The following BCL11A variants were observed in gnomAD, a reference collection of about 807,000 sequenced individuals.
BCL11A encodes B cell CLL/lymphoma 11A.
BCL11A carries 2 observed loss-of-function variants against 55.9 expected under a neutral mutation model. The observed-to-expected ratio is 0.04, with a 90% CI of 0.01 to 0.11. The LOEUF (loss-of-function observed/expected upper bound fraction) is 0.11. BCL11A is among the 10% of genes least tolerant of loss of function. The pLI, the probability that BCL11A is intolerant of heterozygous loss-of-function variation, is 1.00. For missense variants in BCL11A, 817 were observed against 1,137.1 expected (o/e 0.72, Z 4.05); for synonymous variants, 465 against 473.4 (o/e 0.98, Z 0.23).
intron 2 of BCL11A, among the ~76,000 whole-genome samples, chr2:60,497,291 A>T (rs1208724483): frequency 6.6e-6 from 1 of 152,324 alleles, no homozygotes; most frequent in Non-Finnish European, 1.5e-5. Context: ...GAGGGGGGAA[A>T]ATCTTTTGTA....
At chr2:60,552,128 A>G (rs1225141353) in intron 1 of BCL11A, among the ~76,000 whole-genome samples, 3 of 144,978 alleles carry the variant, frequency 2.1e-5, no homozygotes, top group Non-Finnish European at 4.5e-5. Context: ...AGAGATTGTG[A>G]GATTTTTGCA....
intron 2 of BCL11A, among the ~76,000 whole-genome samples, chr2:60,539,460 A>G (rs903842896): frequency 1.3e-5 from 2 of 152,238 alleles, no homozygotes; most frequent in African/African-American, 4.8e-5. Flanking sequence ...TAACCCTGCT[A>G]AGAACAGCAA....
chr2:60,499,526 C>G (rs1397805430), intron 2 of BCL11A: 2 of 152,200 alleles, frequency 1.3e-5, no homozygotes, highest in Non-Finnish European at 2.9e-5. Context: ...GGTGAAAAGA[C>G]TCATGTGTAG....
intron 2 of BCL11A, among the ~76,000 whole-genome samples, chr2:60,494,636 C>A (rs1416823898): frequency 6.6e-6 from 1 of 152,194 alleles, no homozygotes; most frequent in African/African-American, 2.4e-5. Flanking sequence ...AATGTTCTTT[C>A]TTCAGCTGGA....
At chr2:60,477,555 C>A (rs1677681265) in intron 2 of BCL11A, among the ~76,000 whole-genome samples, 2 of 151,944 alleles carry the variant, frequency 1.3e-5, no homozygotes, top group Admixed American at 1.3e-4. Flanking sequence ...ACTTATGTAA[C>A]AAACCTGCAC....
intron 2 of BCL11A, among the ~76,000 whole-genome samples, chr2:60,469,524 A>G (rs554580292): frequency 6.6e-6 from 1 of 152,354 alleles, no homozygotes; most frequent in African/African-American, 2.4e-5. Context: ...CTGGGGTCCA[A>G]ATAACTTTGA....
Position 60,546,374 on chromosome 2 carries a change from C to T in BCL11A, c.56-74G>A. The T allele has an allele frequency of 8.4e-7, 1 of 1,194,080 alleles. No individual in the cohort carries two copies. The highest frequency in any genetic ancestry group is 1.2e-6 in the Non-Finnish European group (1 of 832,790). 74.0% of individuals were successfully genotyped at this position (1,194,080 alleles called of 1,614,324 possible). On this transcript the variant is annotated intron_variant, in intron 1 of 3. Transcript: ENST00000642384. The surrounding 1 kb of genome is among the most constrained non-coding windows in gnomAD (Gnocchi z 4.1). ...AGAAAGGGGAGAAGCACATCTCAAC[C>T]CCATGCCATCCCACCACATCATGTA...
intron 2 of BCL11A, chr2:60,545,333 T>C (rs1670098638): frequency 6.5e-6 from 1 of 152,902 alleles, no homozygotes; most frequent in Admixed American, 6.5e-5. Context: ...GCCTGGCCAG[T>C]CGAAAATGGC....
At chr2:60,518,663 A>T (rs2104538310) in intron 2 of BCL11A, among the ~76,000 whole-genome samples, 1 of 152,284 alleles carries the variant, frequency 6.6e-6, no homozygotes, top group East Asian at 1.9e-4. Context: ...CCCAGCAGAG[A>T]ACGTTGAGAA....
At chr2:60,499,031 C>T (rs1467913197) in intron 2 of BCL11A, among the ~76,000 whole-genome samples, 1 of 152,190 alleles carries the variant, frequency 6.6e-6, no homozygotes, top group African/African-American at 2.4e-5. Context: ...TCTGTCCCCA[C>T]ACAGGCATCC....
intron 2 of BCL11A, chr2:60,535,044 G>A (rs958778902): frequency 3.9e-5 from 6 of 152,040 alleles, no homozygotes; most frequent in Admixed American, 6.5e-5. Context: ...GATGTGCACC[G>A]AATGTACATG....
At chr2:60,509,954 T>A (rs1448380684) in intron 2 of BCL11A, among the ~76,000 whole-genome samples, 1 of 152,164 alleles carries the variant, frequency 6.6e-6, no homozygotes, top group Non-Finnish European at 1.5e-5. Context: ...CCACACATTT[T>A]GGGGTCCATC....
chr2:60,479,818 G>T (rs1392652764), intron 2 of BCL11A, among the ~76,000 whole-genome samples: 1 of 152,218 alleles, frequency 6.6e-6, no homozygotes, highest in Non-Finnish European at 1.5e-5. Context: ...GGCATGTAAG[G>T]TATCAGCGTG....
At chr2:60,467,309 G>A (rs1192510348) in intron 3 of BCL11A, among the ~76,000 whole-genome samples, 4 of 93,246 alleles carry the variant, frequency 4.3e-5, no homozygotes, top group East Asian at 9.4e-4. Flanking sequence ...AATGGTGGTG[G>A]TGGTGATGGT....
chr2:60,492,174 C>G (rs1013117336), intron 2 of BCL11A, among the ~76,000 whole-genome samples: 3 of 152,112 alleles, frequency 2.0e-5, no homozygotes, highest in African/African-American at 4.8e-5. Context: ...CCCAGGAGTT[C>G]AAGACCAGCC....
chr2:60,468,292 G>A (rs987187525), intron 3 of BCL11A, among the ~76,000 whole-genome samples: 1 of 152,146 alleles, frequency 6.6e-6, no homozygotes, highest in African/African-American at 2.4e-5. Context: ...AATACATAAG[G>A]AATATGCATT....
At chr2:60,521,428 A>T (rs146533144) in intron 2 of BCL11A, among the ~76,000 whole-genome samples, 2 of 152,346 alleles carry the variant, frequency 1.3e-5, no homozygotes, top group Non-Finnish European at 2.9e-5. Flanking sequence ...TCCAGGCAGC[A>T]GATACGGCAG....
Position 60,546,056 on chromosome 2 carries a change from C to T in BCL11A, c.300G>A (p.Glu100=). The T allele has an allele frequency of 1.2e-6, 2 of 1,614,248 alleles. No individual in the cohort carries two copies. Among genetic ancestry groups the T allele is most frequent in the East Asian group, 2.2e-5 (1 of 44,892 alleles). The change falls in exon 2 of 4, where the codon GAG becomes GAA. Residue 100 remains glutamate (E), a synonymous_variant. Coordinates refer to ENST00000642384, the MANE Select transcript of BCL11A (RefSeq NM_022893.4). The surrounding 1 kb of genome is among the most constrained non-coding windows in gnomAD (Gnocchi z 4.1). ...CCTCTGGCGTGACCTGGATGCCAAC[C>T]TCCACGGGATTGGATGCTTTTTTCA... ...IEMKKASNPV[E]VGIQVTPEDD... is the part of the protein sequence containing the mutation.
intron 2 of BCL11A, among the ~76,000 whole-genome samples, chr2:60,519,758 G>C (rs1668896553): frequency 6.6e-6 from 1 of 152,136 alleles, no homozygotes; most frequent in African/African-American, 2.4e-5. Context: ...CGTGGGCATG[G>C]GACTGTGCTT....
Sources: gnomAD v4.1 joint callset for allele counts (sites outside exome capture counted in the v4.1 genomes callset) on GRCh38, gnomAD v4.1.1 for gene constraint, Gnocchi (gnomAD v3.1) non-coding constraint, MANE v1.5 for transcripts, NCBI Gene and HGNC (gene_info 2026-07-23, HGNC 2026-07-21) for gene names.